ARHGEF18: variants seen among roughly 807,000 people sequenced by gnomAD.
ARHGEF18 encodes Rho/Rac guanine nucleotide exchange factor 18.
In ARHGEF18, 93 loss-of-function variants were observed where a neutral mutation model predicts 155.7. The observed-to-expected ratio is 0.60, with a 90% CI of 0.50 to 0.71. The LOEUF is 0.71. Among genes scored for constraint, ARHGEF18 ranks in the 30% least tolerant of loss-of-function variants. The pLI is 0.00. For synonymous variants in ARHGEF18, 742 were observed against 753.1 expected (o/e 0.99, Z 0.24); for missense variants, 1,593 against 1,816.1 (o/e 0.88, Z 2.23).
chr19:7,399,114 T>C (rs1971888657), intron 10 of ARHGEF18, among the ~76,000 whole-genome samples: 1 of 152,198 alleles, frequency 6.6e-6, no homozygotes, highest in African/African-American at 2.4e-5. Context: ...TGTTTCTTTG[T>C]TATTTGTTAG....
intron 2 of ARHGEF18, among the ~76,000 whole-genome samples, chr19:7,367,335 G>A (rs981674511): frequency 3.3e-5 from 5 of 152,134 alleles, no homozygotes; most frequent in African/African-American, 1.2e-4. Context: ...GAGGCACGGT[G>A]GCTCATGTCT....
chr19:7,423,649 G>A (rs889185488), intron 10 of ARHGEF18, among the ~76,000 whole-genome samples: 2 of 151,014 alleles, frequency 1.3e-5, no homozygotes, highest in African/African-American at 4.9e-5. Context: ...AGGTTGCAAT[G>A]AGCCGAGATC....
chr19:7,415,698 C>T (rs1028982044), intron 10 of ARHGEF18, among the ~76,000 whole-genome samples: 2 of 152,020 alleles, frequency 1.3e-5, no homozygotes, highest in Non-Finnish European at 2.9e-5. Flanking sequence ...AGCACCCACC[C>T]ACCACATGAC....
At chr19:7,475,530 A>ACACACACACACACACACAAC (rs1339487078), downstream of ARHGEF18, among the ~76,000 whole-genome samples, 23 of 150,746 alleles carry the variant, frequency 1.5e-4, no homozygotes, top group East Asian at 3.9e-4. Flanking sequence ...GTTTAAACAC[A>ACACACACACACACACACAAC]CACACACACA....
chr19:7,394,669 C>T (rs573216982), intron 10 of ARHGEF18, among the ~76,000 whole-genome samples: 1 of 151,208 alleles, frequency 6.6e-6, no homozygotes, highest in East Asian at 2.0e-4. Context: ...CCTCAGGGTC[C>T]CCCTAACTGT....
chr19:7,477,570 G>T, the ARHGEF18 span: 1 of 710,014 alleles, frequency 1.4e-6, no homozygotes, highest in Non-Finnish European at 2.1e-6. Context: ...GACTGAGGTG[G>T]CCTCCCTGAC....
At chr19:7,429,996 G>A (rs1350105998) in intron 10 of ARHGEF18, among the ~76,000 whole-genome samples, 1 of 151,512 alleles carries the variant, frequency 6.6e-6, no homozygotes, top group African/African-American at 2.4e-5. Context: ...CTATTGCTTG[G>A]GAATAATTTT....
In ARHGEF18 at chr19:7,444,534, AG is replaced by A. The variant is rs1974874435; in HGVS notation, c.1611+83del. The A allele has an allele frequency of 6.4e-7, 1 of 1,550,398 alleles. No homozygotes were observed. Among genetic ancestry groups the A allele is most frequent in the Non-Finnish European group, 8.7e-7 (1 of 1,151,124 alleles). On this transcript the variant is annotated intron_variant, in intron 14 of 28. Coordinates refer to ENST00000668164, the MANE Select transcript of ARHGEF18 (RefSeq NM_001367823.1). This position sits in a 1 kb window ranked among gnomAD's most constrained non-coding sequence, Gnocchi z 4.7. ...TTCCTTTCTTCTTTTTTTCTGAGATAGGGTCTTGCCGTGTCGCCCAGGCTGG... is the reference window on the plus strand; with the variant it reads ...TTCCTTTCTTCTTTTTTTCTGAGATAGGTCTTGCCGTGTCGCCCAGGCTGG...
chr19:7,351,285 A>G (rs1238357759), intron 1 of ARHGEF18, among the ~76,000 whole-genome samples: 1 of 151,788 alleles, frequency 6.6e-6, no homozygotes, highest in Non-Finnish European at 1.5e-5. Flanking sequence ...TCTGTAAGCA[A>G]GTCTGCTAGA....
rs192715252 is a variant in ARHGEF18 at position 7,431,534 on chromosome 19, G to T, written c.968-8810G>T. ...TCAAAAAAAAAAAAAAAAAAAAAAA[G>T]GCCGGGCTCAGTGGCTCACGCCTTT... On this transcript the variant is annotated intron_variant, in intron 10 of 28. Coordinates refer to ENST00000668164, the MANE Select transcript of ARHGEF18 (RefSeq NM_001367823.1). Among the ~76,000 whole-genome samples, 852 of 95,852 alleles carry T rather than the reference G, an allele frequency of 8.9e-3. 5 individuals are homozygous for T. The highest frequency in any genetic ancestry group is 0.013 in the Non-Finnish European group (630 of 48,190). 62.9% of individuals were successfully genotyped at this position (95,852 alleles called of 152,430 possible).
rs1975829559 is a variant in ARHGEF18, at chr19:7,456,386, T to A, written c.2164T>A (p.Tyr722Asn). The change falls in exon 18 of 29, where the codon TAC becomes AAC. Residue 722 changes from tyrosine (Y) to asparagine (N), a missense_variant. Transcript: ENST00000668164. ...LLLLQEKDQK[Y>N]VFASVDSKPP... The stretch of plus-strand genomic sequence containing the variant: ...GCTGCTACAAGAAAAAGATCAGAAA[T>A]ACGTCTTTGCTTCTGTGGTATGTAT... 6.2e-7 allele frequency: 1 copy of A among 1,613,984 alleles called. No individual in the cohort carries two copies. Among genetic ancestry groups the A allele is most frequent in the African/African-American group, 1.3e-5 (1 of 74,930 alleles).
At position 7,447,050 on chromosome 19, in the gene ARHGEF18, G is replaced by A; in HGVS notation, c.1619G>A (p.Gly540Asp). Reference sequence around the variant, plus strand: ...CATCCTTTTGTTTATCAGTTTTCAGGTGAAAATGGGGAGAGAATGAAAGAA... The same window carrying A: ...CATCCTTTTGTTTATCAGTTTTCAGATGAAAATGGGGAGAGAATGAAAGAA... ...IGDLLVQQFS[G>D]ENGERMKEKY... The change falls in exon 15 of 29, where the codon GGT (glycine) becomes GAT (aspartate). Residue 540 changes from glycine (G) to aspartate (D), a missense_variant. Physicochemically the swap from Gly to Asp is moderately conservative, Grantham distance 94. Coordinates refer to ENST00000668164, the MANE Select transcript of ARHGEF18 (RefSeq NM_001367823.1). 6.2e-7 allele frequency: 1 copy of A among 1,612,700 alleles called. No homozygotes were observed. Among genetic ancestry groups the A allele is most frequent in the South Asian group, 1.1e-5 (1 of 90,516 alleles).
intron 10 of ARHGEF18, among the ~76,000 whole-genome samples, chr19:7,420,252 A>T (rs1340005477): frequency 6.6e-6 from 1 of 151,952 alleles, no homozygotes; most frequent in African/African-American, 2.4e-5. Context: ...GTATGCCACC[A>T]CGGCCAGCTG....
chr19:7,419,644 A>G (rs9329380), intron 10 of ARHGEF18, among the ~76,000 whole-genome samples: 19,167 of 151,808 alleles, frequency 0.13, 2,557 homozygotes, highest in African/African-American at 0.34. Context: ...TTTCTCCATC[A>G]GGCCACCCTA....
At position 7,452,546 on chromosome 19, in the gene ARHGEF18, A is replaced by G. The variant is rs576345290; in HGVS notation, c.1856-921A>G. On this transcript the variant is annotated intron_variant, in intron 16 of 28. Transcript: ENST00000668164. The stretch of plus-strand genomic sequence containing the variant: ...AGTGGCATGATCTTGGCTCACTGCA[A>G]CCTCTGCCTCCTGGGTTCAAGTGAT... Among the ~76,000 whole-genome samples the G allele has an allele frequency of 2.9e-4, 44 of 151,776 alleles. No individual in the cohort carries two copies. The East Asian group carries it at 8.7e-3, about 30-fold the overall frequency.
chr19:7,432,809 G>A (rs192504430), intron 10 of ARHGEF18, among the ~76,000 whole-genome samples: 13 of 152,348 alleles, frequency 8.5e-5, no homozygotes, highest in Non-Finnish European at 1.6e-4. Flanking sequence ...GGAAGTCAGT[G>A]TGCCTCTAGA....
At chr19:7,358,550 AC>A (rs1488447376) in intron 1 of ARHGEF18, among the ~76,000 whole-genome samples, 1 of 151,190 alleles carries the variant, frequency 6.6e-6, no homozygotes, top group African/African-American at 2.4e-5. Flanking sequence ...CCATCCACTC[AC>A]CCATCCATCC....
At chr19:7,475,012 T>C (rs1977192523), downstream of ARHGEF18, among the ~76,000 whole-genome samples, 2 of 151,922 alleles carry the variant, frequency 1.3e-5, no homozygotes. Context: ...AGTGGGTGAA[T>C]CACTTGAGCA....
At position 7,379,234 on chromosome 19, in the gene ARHGEF18, T is replaced by A. The variant is rs1600232397; in HGVS notation, c.644+68T>A. ...GACAAAAGCAGGAAGCATGCAGGGG[T>A]GTGCACAGGTGTAGGAGACAGGGGT... On this transcript the variant is annotated intron_variant, in intron 7 of 28. Coordinates refer to ENST00000668164, the MANE Select transcript of ARHGEF18 (RefSeq NM_001367823.1). 5 of 1,202,384 alleles carry A rather than the reference T, an allele frequency of 4.2e-6. No homozygotes were observed. The Admixed American group carries it at 2.1e-4, about 51-fold the overall frequency. 74.5% of individuals were successfully genotyped at this position (1,202,384 alleles called of 1,614,324 possible). A position where few individuals can be genotyped will look rare whatever the true frequency, so the allele number is the denominator to read the frequency against.
Sources: gnomAD v4.1 joint callset for allele counts (sites outside exome capture counted in the v4.1 genomes callset) on GRCh38, gnomAD v4.1.1 for gene constraint, Gnocchi (gnomAD v3.1) non-coding constraint, MANE v1.5 for transcripts, NCBI Gene and HGNC (gene_info 2026-07-23, HGNC 2026-07-21) for gene names.